Variants in FAM53B observed in about 807,000 individuals in gnomAD.
FAM53B encodes protein FAM53B.
In FAM53B, 12 loss-of-function variants were observed where a neutral mutation model predicts 32.7. The ratio of observed to expected loss-of-function variants is 0.37; its 90% confidence interval spans 0.24 to 0.59. The LOEUF is 0.59. Among genes scored for constraint, FAM53B ranks in the 20% least tolerant of loss-of-function variants. The pLI, the probability that FAM53B is intolerant of heterozygous loss-of-function variation, is 0.72. For synonymous variants in FAM53B, 234 were observed against 228.7 expected (o/e 1.02, Z -0.21); for missense variants, 477 against 577.7 (o/e 0.83, Z 1.79).
chr10:124,721,935 A>G (rs1173766128), intron 1 of FAM53B, among the ~76,000 whole-genome samples: 1 of 152,230 alleles, frequency 6.6e-6, no homozygotes, highest in African/African-American at 2.4e-5. Flanking sequence ...CAAAGGACGA[A>G]ACGCAGCTTT....
At chr10:124,675,939 C>A (rs1191281901) in intron 4 of FAM53B, among the ~76,000 whole-genome samples, 1 of 152,220 alleles carries the variant, frequency 6.6e-6, no homozygotes, top group Non-Finnish European at 1.5e-5. Flanking sequence ...GCAATGGCTG[C>A]CAAGACTGCC....
At chr10:124,635,644 TC>T (rs1266644154) in intron 4 of FAM53B, among the ~76,000 whole-genome samples, 2 of 151,966 alleles carry the variant, frequency 1.3e-5, no homozygotes, top group Non-Finnish European at 2.9e-5. Context: ...CCTGGCGACA[TC>T]CTCCAAGAGG....
In FAM53B at chr10:124,647,500, G is replaced by A. The variant is rs1328407745; in HGVS notation, c.907-23896C>T. Among the ~76,000 whole-genome samples, 8 of 152,202 alleles carry A rather than the reference G, an allele frequency of 5.3e-5. No individual in the cohort carries two copies. In the South Asian group the frequency reaches 1.4e-3, roughly 28 times the overall value. On this transcript the variant is annotated intron_variant, in intron 4 of 4. Transcript: ENST00000337318. ...GCAAGAGAAGAAAAGGAAAGCTGTC[G>A]CCAAGACCCCACCACATGCGGGAGC...
chr10:124,717,929 CCCAGGCTACAGA>C (rs1187953622), intron 1 of FAM53B, among the ~76,000 whole-genome samples: 1 of 152,132 alleles, frequency 6.6e-6, no homozygotes, highest in Non-Finnish European at 1.5e-5. Flanking sequence ...CCACCCCCAG[CCCAGGCTACAGA>C]CACAGCTTTC....
chr10:124,654,255 G>A (rs1949572649), intron 4 of FAM53B, among the ~76,000 whole-genome samples: 1 of 152,250 alleles, frequency 6.6e-6, no homozygotes, highest in Non-Finnish European at 1.5e-5. Flanking sequence ...CAACGCTATG[G>A]TGCTCAGAAA....
intron 1 of FAM53B, among the ~76,000 whole-genome samples, chr10:124,716,034 C>T (rs918971716): frequency 6.6e-6 from 1 of 152,358 alleles, no homozygotes; most frequent in South Asian, 2.1e-4. Context: ...GCTCCTGCAA[C>T]TGGGCTGGTG....
intron 4 of FAM53B, among the ~76,000 whole-genome samples, chr10:124,637,817 A>G (rs1949443062): frequency 1.3e-5 from 2 of 152,090 alleles, no homozygotes; most frequent in Non-Finnish European, 2.9e-5. Context: ...CTCTCTCCCG[A>G]AAGACTCTTC....
chr10:124,682,481 G>C lies in FAM53B; in HGVS notation c.134-102C>G. ...AGCCCGTTTCAAACACAGTATCTTAGAGCCAAAAGGCCCTTAGAAACCATC... is the reference window on the plus strand; with the variant it reads ...AGCCCGTTTCAAACACAGTATCTTACAGCCAAAAGGCCCTTAGAAACCATC... On this transcript the variant is annotated intron_variant, in intron 3 of 4. Transcript: ENST00000337318. The surrounding 1 kb of genome is among the most constrained non-coding windows in gnomAD (Gnocchi z 5.2). 9.7e-7 allele frequency: 1 copy of C among 1,027,656 alleles called. No homozygotes were observed. The highest frequency in any genetic ancestry group is 1.4e-6 in the Non-Finnish European group (1 of 719,880). 63.7% of individuals were successfully genotyped at this position (1,027,656 alleles called of 1,614,324 possible). A position where few individuals can be genotyped will look rare whatever the true frequency, so the allele number is the denominator to read the frequency against.
chr10:124,642,670 G>T (rs534363804), intron 4 of FAM53B, among the ~76,000 whole-genome samples: 1 of 152,130 alleles, frequency 6.6e-6, no homozygotes. Context: ...TGCAACTGCC[G>T]ATCACAGAAG....
At chr10:124,669,789 A>G (rs1011396873) in intron 4 of FAM53B, among the ~76,000 whole-genome samples, 1 of 152,184 alleles carries the variant, frequency 6.6e-6, no homozygotes, top group African/African-American at 2.4e-5. Context: ...TCTGCCACGC[A>G]GCCAGCAAGT....
In FAM53B at chr10:124,623,533, G is replaced by C. The variant is rs542639344; in HGVS notation, c.978C>G (p.Phe326Leu). The C allele has an allele frequency of 1.2e-5, 18 of 1,557,286 alleles. No individual in the cohort carries two copies. The highest frequency in any genetic ancestry group is 1.9e-5 in the Admixed American group (1 of 51,666). Residue 326 changes from phenylalanine to leucine, a missense_variant, in exon 5 of 5, where the codon TTC becomes TTG. Phe to Leu is a conservative substitution (Grantham distance 22). This residue lies in a region of FAM53B where 165 missense variants were observed against 157.5 expected (regional missense o/e 1.05). Transcript: ENST00000337318. ...GTEDCGPQSPFARHVSNTRAW... is the reference protein window; with the variant it reads ...GTEDCGPQSPLARHVSNTRAW... Reference sequence around the variant, plus strand: ...CCCTGGTGTTGCTGACGTGGCGGGCGAAGGGGCTCTGGGGACCGCAGTCCT... The same window carrying C: ...CCCTGGTGTTGCTGACGTGGCGGGCCAAGGGGCTCTGGGGACCGCAGTCCT...
intron 1 of FAM53B, among the ~76,000 whole-genome samples, chr10:124,709,355 GCT>G (rs1004822856): frequency 3.3e-5 from 5 of 152,202 alleles, no homozygotes; most frequent in Non-Finnish European, 7.3e-5. Flanking sequence ...GGGCACCCCA[GCT>G]CTCTCTAGCT....
At chr10:124,644,083 C>A (rs1032293571) in intron 4 of FAM53B, among the ~76,000 whole-genome samples, 1 of 152,174 alleles carries the variant, frequency 6.6e-6, no homozygotes, top group African/African-American at 2.4e-5. Flanking sequence ...GTGCCTGCTC[C>A]CAGGGCACCT....
At chr10:124,672,973 T>C (rs907227005) in intron 4 of FAM53B, among the ~76,000 whole-genome samples, 1 of 152,222 alleles carries the variant, frequency 6.6e-6, no homozygotes, top group Non-Finnish European at 1.5e-5. Flanking sequence ...GGACTTACAA[T>C]GAGCACACAC....
chr10:124,719,891 A>C lies in FAM53B; in HGVS notation c.-174-13004T>G, dbSNP rs11245340. Among the ~76,000 whole-genome samples, 1,125 of 152,304 alleles carry C rather than the reference A, an allele frequency of 7.4e-3. 16 individuals are homozygous for C. Among genetic ancestry groups the C allele is most frequent in the African/African-American group, 0.025 (1,030 of 41,550 alleles). Reference sequence around the variant, plus strand: ...TCAAAAAACCAACACGGCCGGGCACAGTGGCTCACGCCTGTAATCCCAGCA... The same window carrying C: ...TCAAAAAACCAACACGGCCGGGCACCGTGGCTCACGCCTGTAATCCCAGCA... On this transcript the variant is annotated intron_variant, in intron 1 of 4. Coordinates refer to ENST00000337318, the MANE Select transcript of FAM53B (RefSeq NM_014661.4).
At chr10:124,643,742 C>A (rs1304914299) in intron 4 of FAM53B, among the ~76,000 whole-genome samples, 1 of 152,232 alleles carries the variant, frequency 6.6e-6, no homozygotes. Context: ...TGATTTCCCC[C>A]ACAGGGCTGC....
chr10:124,736,559 C>A (rs562992232), intron 1 of FAM53B, among the ~76,000 whole-genome samples: 25 of 152,416 alleles, frequency 1.6e-4, no homozygotes, highest in African/African-American at 6.0e-4. Flanking sequence ...TGCTCCCAGG[C>A]CCATGGCCAA....
Position 124,623,507 on chromosome 10 carries a change from G to A in FAM53B, c.1004C>T (p.Ala335Val). ...GGAGGCTGAGAGCAGGGCGGTCCAGGCCCTGGTGTTGCTGACGTGGCGGGC... is the reference window on the plus strand; with the variant it reads ...GGAGGCTGAGAGCAGGGCGGTCCAGACCCTGGTGTTGCTGACGTGGCGGGC... ...PFARHVSNTR[A>V]WTALLSASGP... The change falls in exon 5 of 5, where the codon GCC becomes GTC. Residue 335 changes from alanine (A) to valine (V), a missense_variant. Physicochemically the swap from Ala to Val is moderately conservative, Grantham distance 64. Transcript: ENST00000337318. 6.3e-7 allele frequency: 1 copy of A among 1,593,834 alleles called. No individual in the cohort carries two copies. The highest frequency in any genetic ancestry group is 8.5e-7 in the Non-Finnish European group (1 of 1,171,056).
intron 4 of FAM53B, chr10:124,667,087 T>A: frequency 2.8e-6 from 1 of 363,142 alleles, no homozygotes; most frequent in Non-Finnish European, 5.0e-6. Flanking sequence ...CAAAGCTACA[T>A]GCAGTCACTG....
Sources: gnomAD v4.1 joint callset for allele counts (sites outside exome capture counted in the v4.1 genomes callset) on GRCh38, gnomAD v4.1.1 for gene constraint, gnomAD v4.1.1 regional missense constraint, Gnocchi (gnomAD v3.1) non-coding constraint, MANE v1.5 for transcripts, NCBI Gene and HGNC (gene_info 2026-07-23, HGNC 2026-07-21) for gene names.